The following TRIP12 variants were observed in gnomAD, a reference collection of about 807,000 sequenced individuals.
TRIP12 encodes the protein thyroid hormone receptor interactor 12, also known as E3 ubiquitin-protein ligase TRIP12.
In TRIP12, 25 loss-of-function variants were observed where a neutral mutation model predicts 244.2. The ratio of observed to expected loss-of-function variants is 0.10; its 90% confidence interval spans 0.07 to 0.14. TRIP12 has a LOEUF of 0.14. Among genes scored for constraint, TRIP12 ranks in the 10% least tolerant of loss-of-function variants. The probability of loss-of-function intolerance (pLI) is 1.00; values close to 1 mark genes in which losing one functional copy is unlikely to be tolerated. For missense variants in TRIP12, 1,677 were observed against 2,486.4 expected, an observed-to-expected ratio of 0.67 and a Z score of 6.92; for synonymous variants, 905 against 873.1, an observed-to-expected ratio of 1.04 and a Z score of -0.64.
intron 11 of TRIP12, among the ~76,000 whole-genome samples, chr2:229,814,816 T>A (rs866485747): frequency 6.6e-6 from 1 of 152,326 alleles, no homozygotes; most frequent in Middle Eastern, 3.4e-3. Context: ...GCTATCAACC[T>A]CACTGGCATG....
At chr2:229,864,043 A>AGTGTGT (rs1553712066) in intron 2 of TRIP12, among the ~76,000 whole-genome samples, 3 of 72,122 alleles carry the variant, frequency 4.2e-5, no homozygotes, top group Non-Finnish European at 6.0e-5. Context: ...AGAGAGAGAG[A>AGTGTGT]GAGAGTGTGT....
At chr2:229,801,519 A>G (rs1162313039) in intron 21 of TRIP12, among the ~76,000 whole-genome samples, 1 of 152,232 alleles carries the variant, frequency 6.6e-6, no homozygotes, top group Non-Finnish European at 1.5e-5. Flanking sequence ...TACTGAAGTG[A>G]ATACATACTG....
intron 15 of TRIP12, 97 bp downstream of exon 15, chr2:229,810,783 T>C: frequency 5.7e-6 from 7 of 1,226,198 alleles, no homozygotes; most frequent in Non-Finnish European, 8.0e-6. Flanking sequence ...CCTATAATAT[T>C]AGTAATCTCT....
At chr2:229,855,618 A>AG (rs1220377067) in intron 4 of TRIP12, among the ~76,000 whole-genome samples, 1 of 127,586 alleles carries the variant, frequency 7.8e-6, no homozygotes, top group Non-Finnish European at 1.7e-5. Flanking sequence ...AAAAAAAAAA[A>AG]AAAAAAGAGA....
At chr2:229,894,140 G>GT (rs1220533341) in intron 1 of TRIP12, among the ~76,000 whole-genome samples, 1 of 152,090 alleles carries the variant, frequency 6.6e-6, no homozygotes, top group East Asian at 1.9e-4. Flanking sequence ...GGGTGACAGA[G>GT]TGAGACTCTG....
intron 1 of TRIP12, among the ~76,000 whole-genome samples, chr2:229,898,846 C>T (rs928795346): frequency 9.0e-5 from 13 of 144,930 alleles, no homozygotes; most frequent in African/African-American, 2.7e-4. Context: ...TGTGCCCCAC[C>T]GCATCCACCT....
At chr2:229,835,561 T>C (rs1173850111) in intron 6 of TRIP12, among the ~76,000 whole-genome samples, 2 of 152,244 alleles carry the variant, frequency 1.3e-5, no homozygotes, top group Non-Finnish European at 2.9e-5. Flanking sequence ...TGTCTCCGTT[T>C]TTCCTCACTT....
At position 229,796,668 on chromosome 2, in the gene TRIP12, T is replaced by C; in HGVS notation, c.3739A>G (p.Thr1247Ala). The C allele has an allele frequency of 6.2e-7, 1 of 1,613,110 alleles. No homozygotes were observed. ...GFVKQLLLYL[T>A]SKSEKDAVSR... is the part of the protein sequence containing the mutation. ...ACAGCATCCTTTTCACTTTTAGATG[T>C]CAAATAAAGCAACAGCTGCTTCACA... Residue 1247 changes from threonine to alanine, a missense_variant, in exon 25 of 42, where the codon ACA becomes GCA. By Grantham distance (58) the Thr-to-Ala change is moderately conservative. This residue lies in a region of TRIP12 where 77 missense variants were observed against 69.2 expected (regional missense o/e 1.11). Coordinates refer to ENST00000675903, the MANE Select transcript of TRIP12 (RefSeq NM_001348323.3).
intron 4 of TRIP12, among the ~76,000 whole-genome samples, chr2:229,855,604 A>T (rs1406850488): frequency 2.5e-4 from 21 of 84,240 alleles, no homozygotes; most frequent in Middle Eastern, 7.9e-3. Flanking sequence ...ACAAGGGTTT[A>T]AAAAAAAAAA....
At position 229,778,583 on chromosome 2, in the gene TRIP12, G is replaced by C; in HGVS notation, c.5214C>G (p.Ser1738Arg). 1 of 1,609,396 alleles carries C rather than the reference G, an allele frequency of 6.2e-7. No homozygotes were observed. Among genetic ancestry groups the C allele is most frequent in the Non-Finnish European group, 8.5e-7 (1 of 1,177,972 alleles). The change falls in exon 36 of 42, where the codon AGC becomes AGG. Residue 1738 changes from serine (S) to arginine (R), a missense_variant. Physicochemically the swap from Ser to Arg is moderately radical, Grantham distance 110. Coordinates refer to ENST00000675903, the MANE Select transcript of TRIP12 (RefSeq NM_001348323.3). This position sits in a 1 kb window ranked among gnomAD's most constrained non-coding sequence, Gnocchi z 4.1. ...TTTGAATATACTTGGTCCCTTCTTGGCTCCCTGAAAAACAAGCAATGCAGC... is the reference window on the plus strand; with the variant it reads ...TTTGAATATACTTGGTCCCTTCTTGCCTCCCTGAAAAACAAGCAATGCAGC... The part of the protein sequence containing the change: ...EEVTLSNPKG[S>R]QEGTKYIQNL...
chr2:229,864,047 A>AGAGAGAGAGAGAGGGAGAGTGT, intron 2 of TRIP12, among the ~76,000 whole-genome samples: 1 of 79,292 alleles, frequency 1.3e-5, no homozygotes, highest in Non-Finnish European at 2.5e-5. Context: ...AGAGAGAGAG[A>AGAGAGAGAGAGAGGGAGAGTGT]GTGTGTGTGT....
At position 229,789,048 on chromosome 2, in the gene TRIP12, G is replaced by A. The variant is rs966922058; in HGVS notation, c.4696-108C>T. 5 of 1,048,762 alleles carry A rather than the reference G, an allele frequency of 4.8e-6. No individual in the cohort carries two copies. In the African/African-American group the frequency reaches 4.9e-5, roughly 10 times the overall value. 65.0% of individuals were successfully genotyped at this position (1,048,762 alleles called of 1,614,324 possible). On this transcript the variant is annotated intron_variant, in intron 31 of 41. Coordinates refer to ENST00000675903, the MANE Select transcript of TRIP12 (RefSeq NM_001348323.3). ...TCCATGCAAAGTACCCTGAATTCACGTGTTGGTTTCCAACATACAACACAC... is the reference window on the plus strand; with the variant it reads ...TCCATGCAAAGTACCCTGAATTCACATGTTGGTTTCCAACATACAACACAC...
intron 2 of TRIP12, among the ~76,000 whole-genome samples, chr2:229,862,779 G>C (rs1048738870): frequency 6.6e-6 from 1 of 152,138 alleles, no homozygotes; most frequent in South Asian, 2.1e-4. Context: ...GCTTATGTTA[G>C]ATCCACCTAA....
intron 21 of TRIP12, among the ~76,000 whole-genome samples, chr2:229,801,252 T>C (rs2044260296): frequency 6.6e-6 from 1 of 152,142 alleles, no homozygotes; most frequent in Non-Finnish European, 1.5e-5. Flanking sequence ...AACTCAGCAG[T>C]TTCCTAAAAT....
intron 2 of TRIP12, among the ~76,000 whole-genome samples, chr2:229,876,110 C>G (rs1370957229): frequency 6.6e-6 from 1 of 152,056 alleles, no homozygotes; most frequent in Non-Finnish European, 1.5e-5. Context: ...CTCGTCTTTA[C>G]TAAAAATACA....
At chr2:229,812,872 C>T (rs559336319) in intron 13 of TRIP12, among the ~76,000 whole-genome samples, 1 of 152,192 alleles carries the variant, frequency 6.6e-6, no homozygotes, top group Admixed American at 6.5e-5. Context: ...ACCTATTTTC[C>T]CTGGGTTAGC....
chr2:229,838,638 G>T (rs1036794884), intron 5 of TRIP12, among the ~76,000 whole-genome samples: 1 of 152,102 alleles, frequency 6.6e-6, no homozygotes, highest in Non-Finnish European at 1.5e-5. Flanking sequence ...TTAATTTTCA[G>T]ACACAATAAA....
chr2:229,870,451 T>C (rs1179535586), intron 2 of TRIP12, among the ~76,000 whole-genome samples: 2 of 152,196 alleles, frequency 1.3e-5, no homozygotes, highest in South Asian at 2.1e-4. Context: ...AGACAGATAC[T>C]GAGTCTGTAG....
intron 2 of TRIP12, among the ~76,000 whole-genome samples, chr2:229,874,473 A>AT (rs894905401): frequency 7.2e-5 from 11 of 152,134 alleles, no homozygotes; most frequent in African/African-American, 2.2e-4. Flanking sequence ...CATAAGCAAT[A>AT]TTTTTTACAG....
Sources: allele counts gnomAD v4.1 joint callset (sites outside exome capture counted in the v4.1 genomes callset), GRCh38; gene constraint gnomAD v4.1.1; regional missense constraint gnomAD v4.1.1; non-coding constraint Gnocchi (gnomAD v3.1); transcripts MANE v1.5; gene names NCBI Gene and HGNC (gene_info 2026-07-23, HGNC 2026-07-21).